Variants in MYO5A observed in about 807,000 individuals in gnomAD.
MYO5A encodes the protein myosin VA.
A neutral mutation model predicts 249.7 loss-of-function variants in MYO5A; 98 were observed. That is an observed-to-expected ratio of 0.39 (90% CI 0.33 to 0.46). MYO5A has a LOEUF of 0.46. MYO5A is among the 20% of genes least tolerant of loss of function. MYO5A has a pLI of 0.98. For synonymous variants in MYO5A, 778 were observed against 810.6 expected (o/e 0.96, Z 0.68); for missense variants, 1,696 against 2,308.8 (o/e 0.73, Z 5.44).
chr15:52,418,015 T>C (rs1280653065), intron 4 of MYO5A, among the ~76,000 whole-genome samples: 1 of 152,148 alleles, frequency 6.6e-6, no homozygotes, highest in Non-Finnish European at 1.5e-5. Context: ...TCCCTAGAGA[T>C]GACAGCTGAA....
intron 3 of MYO5A, among the ~76,000 whole-genome samples, chr15:52,427,208 C>T (rs549710417): frequency 1.5e-3 from 224 of 152,216 alleles, no homozygotes; most frequent in African/African-American, 5.2e-3. Context: ...ATGAAGTCGT[C>T]CATTCAATAA....
chr15:52,363,586 C>G (rs1258274327), intron 24 of MYO5A, among the ~76,000 whole-genome samples: 8 of 152,036 alleles, frequency 5.3e-5, no homozygotes, highest in Non-Finnish European at 7.4e-5. Context: ...TCAGTAGGTC[C>G]AGATAGAAGC....
chr15:52,371,754 C>T (rs1191334724), intron 21 of MYO5A, among the ~76,000 whole-genome samples: 1 of 151,902 alleles, frequency 6.6e-6, no homozygotes, highest in Admixed American at 6.6e-5. Context: ...CCTGTAGTCC[C>T]ATATACTCAG....
rs2075443189 is a variant in MYO5A, at chr15:52,428,338, A to G, written c.310+60T>C. 7 of 1,518,368 alleles carry G rather than the reference A, an allele frequency of 4.6e-6. No individual in the cohort carries two copies. In the South Asian group the frequency reaches 5.6e-5, roughly 12 times the overall value. The allele number at this position is 1,518,368 out of a possible 1,614,324, so 94.1% of individuals were successfully genotyped here. A position where few individuals can be genotyped will look rare whatever the true frequency, so the allele number is the denominator to read the frequency against. On this transcript the variant is annotated intron_variant, in intron 3 of 41. Transcript: ENST00000399233. ...TGCTTTCCCCATGTACAATATTTCT[A>G]TGGCTATGTCCATTAGAGGAAAGAG...
intron 4 of MYO5A, among the ~76,000 whole-genome samples, chr15:52,422,131 G>C (rs1044484909): frequency 1.3e-5 from 2 of 152,172 alleles, no homozygotes; most frequent in Admixed American, 6.5e-5. Context: ...TCCACTGAGT[G>C]TTTCTCCATG....
intron 1 of MYO5A, among the ~76,000 whole-genome samples, chr15:52,466,294 C>T (rs756427040): frequency 6.6e-6 from 1 of 152,142 alleles, no homozygotes; most frequent in South Asian, 2.1e-4. Context: ...GTGGGAGGGG[C>T]TCCCACAGCC....
chr15:52,349,572 C>G (rs1222834460), intron 28 of MYO5A, among the ~76,000 whole-genome samples: 1 of 152,166 alleles, frequency 6.6e-6, no homozygotes, highest in Admixed American at 6.5e-5. Flanking sequence ...ACTATGTGCT[C>G]TGTTAGCTGG....
intron 1 of MYO5A, among the ~76,000 whole-genome samples, chr15:52,464,106 C>T (rs373586582): frequency 2.0e-5 from 3 of 152,326 alleles, no homozygotes; most frequent in East Asian, 3.9e-4. Context: ...ATACCTGCCT[C>T]AGAGAGTTGT....
chr15:52,519,005 C>T (rs1040687760), intron 1 of MYO5A, among the ~76,000 whole-genome samples: 1 of 151,978 alleles, frequency 6.6e-6, no homozygotes, highest in African/African-American at 2.4e-5. Context: ...CAAATCATAA[C>T]AGGGCATAAG....
rs142226844 is a variant in MYO5A, at chr15:52,438,132, T to C, written c.28-4847A>G. The C allele has an allele frequency of 1.5e-4, 119 of 811,804 alleles. No homozygotes were observed. In the African/African-American group the frequency reaches 1.8e-3, roughly 12 times the overall value. 50.3% of individuals were successfully genotyped at this position (811,804 alleles called of 1,614,324 possible). ...TCAGTTTGAGGATATATACCTTAGA[T>C]GCTGAAACAGGGAAATCTCAACCTG... On this transcript the variant is annotated intron_variant, in intron 1 of 41. Transcript: ENST00000399233.
At chr15:52,334,809 C>T (rs377603309) in intron 34 of MYO5A, among the ~76,000 whole-genome samples, 2 of 152,144 alleles carry the variant, frequency 1.3e-5, no homozygotes, top group Admixed American at 6.5e-5. Context: ...AGAAAAATTG[C>T]TAAAAATATG....
chr15:52,360,157 A>G, intron 24 of MYO5A, 76 bp from the exon 25 acceptor site: 1 of 992,476 alleles, frequency 1.0e-6, no homozygotes, highest in Non-Finnish European at 1.6e-6. Context: ...ATCCACCTTG[A>G]CTTGGTTCTT....
At chr15:52,440,154 G>T (rs1468384343) in intron 1 of MYO5A, among the ~76,000 whole-genome samples, 1 of 152,260 alleles carries the variant, frequency 6.6e-6, no homozygotes, top group East Asian at 1.9e-4. Flanking sequence ...ACTGGAACAT[G>T]CCAGAGAGAG....
Position 52,404,179 on chromosome 15 carries a change from C to A in MYO5A, c.1053+1108G>T, listed in dbSNP as rs140026434. Among the ~76,000 whole-genome samples, 605 of 148,960 alleles carry A rather than the reference C, an allele frequency of 4.1e-3. 7 individuals are homozygous for A. The highest frequency in any genetic ancestry group is 0.014 in the African/African-American group (584 of 40,500). On this transcript the variant is annotated intron_variant, in intron 9 of 41. Coordinates refer to ENST00000399233, the MANE Select transcript of MYO5A (RefSeq NM_001382347.1). ...ACTCAGGAGGCTGAGGCAGAAGAAT[C>A]GCCTGAACCCAGGAGGCGGAGGTTG... is the stretch of plus-strand genomic sequence containing the variant.
chr15:52,441,580 C>T (rs2075787302), intron 1 of MYO5A, among the ~76,000 whole-genome samples: 1 of 152,222 alleles, frequency 6.6e-6, no homozygotes, highest in South Asian at 2.1e-4. Flanking sequence ...TAAGCCTTTG[C>T]TGTAGCTGTT....
intron 18 of MYO5A, among the ~76,000 whole-genome samples, chr15:52,377,238 A>G (rs1019490471): frequency 2.6e-5 from 4 of 152,062 alleles, no homozygotes; most frequent in Non-Finnish European, 4.4e-5. Flanking sequence ...CCTGGCCAAC[A>G]TGGTGAAACC....
chr15:52,341,209 CAGAA>C (rs2039368519), intron 31 of MYO5A, among the ~76,000 whole-genome samples: 1 of 152,148 alleles, frequency 6.6e-6, no homozygotes. Flanking sequence ...TTCTGAAAGA[CAGAA>C]AGGCTGGAAC....
At chr15:52,411,062 G>A (rs573285500) in intron 5 of MYO5A, among the ~76,000 whole-genome samples, 1 of 152,326 alleles carries the variant, frequency 6.6e-6, no homozygotes, top group South Asian at 2.1e-4. Context: ...AACCTTTTGG[G>A]TTATCTGAAC....
intron 1 of MYO5A, among the ~76,000 whole-genome samples, chr15:52,518,899 T>C (rs1404755381): frequency 6.6e-6 from 1 of 152,152 alleles, no homozygotes. Flanking sequence ...AAAAATGAAG[T>C]TCCCTCCTCA....
Sources: allele counts gnomAD v4.1 joint callset (sites outside exome capture counted in the v4.1 genomes callset), GRCh38; gene constraint gnomAD v4.1.1; transcripts MANE v1.5; gene names NCBI Gene and HGNC (gene_info 2026-07-23, HGNC 2026-07-21).